ATF7IP: variants seen among roughly 807,000 people sequenced by gnomAD.
ATF7IP encodes the protein activating transcription factor 7-interacting protein 1.
A neutral mutation model predicts 106.4 loss-of-function variants in ATF7IP; 23 were observed. That is an observed-to-expected ratio of 0.22 (90% CI 0.16 to 0.31). The LOEUF is 0.31. Ranked by LOEUF, ATF7IP falls within the 10% of genes least tolerant of loss-of-function variation. ATF7IP has a pLI of 1.00. For synonymous variants in ATF7IP, 542 were observed against 539.0 expected, an observed-to-expected ratio of 1.01 and a Z score of -0.08; for missense variants, 1,334 against 1,524.3, an observed-to-expected ratio of 0.88 and a Z score of 2.08.
chr12:14,488,341 G>A (rs117052762), intron 13 of ATF7IP, among the ~76,000 whole-genome samples: 35 of 152,242 alleles, frequency 2.3e-4, no homozygotes, highest in African/African-American at 7.7e-4. Context: ...AGCAAGGAAA[G>A]CTAGTCTGAC....
chr12:14,493,727 A>C (rs1428598604), intron 13 of ATF7IP, among the ~76,000 whole-genome samples: 1 of 152,072 alleles, frequency 6.6e-6, no homozygotes, highest in Non-Finnish European at 1.5e-5. Context: ...ACACCTGGCA[A>C]GGCTGTGCAT....
At chr12:14,400,856 T>C (rs1591793880) in intron 1 of ATF7IP, among the ~76,000 whole-genome samples, 2 of 152,320 alleles carry the variant, frequency 1.3e-5, no homozygotes, top group South Asian at 2.1e-4. Context: ...AAAATGTATT[T>C]TCTCTTTCTG....
Sources: allele counts gnomAD v4.1 joint callset (sites outside exome capture counted in the v4.1 genomes callset), GRCh38; gene constraint gnomAD v4.1.1; transcripts MANE v1.5; gene names NCBI Gene and HGNC (gene_info 2026-07-23, HGNC 2026-07-21).